The following NSD2 variants were observed in gnomAD, a reference collection of about 807,000 sequenced individuals.
NSD2 encodes histone-lysine N-methyltransferase NSD2.
NSD2 carries 12 observed loss-of-function variants against 139.0 expected under a neutral mutation model. The observed-to-expected ratio is 0.09, with a 90% CI of 0.06 to 0.14. The LOEUF (loss-of-function observed/expected upper bound fraction) is 0.14. Among genes scored for constraint, NSD2 ranks in the 10% least tolerant of loss-of-function variants. The pLI is 1.00. For synonymous variants in NSD2, 669 were observed against 648.7 expected (o/e 1.03, Z -0.48); for missense variants, 1,155 against 1,745.0 (o/e 0.66, Z 6.02).
intron 5 of NSD2, 105 bp from the exon 6 acceptor site, chr4:1,930,521 C>G (rs189407027): frequency 4.1e-6 from 5 of 1,215,048 alleles, no homozygotes; most frequent in African/African-American, 3.1e-5. Flanking sequence ...AATAAAAATG[C>G]GACACACTAA....
chr4:1,949,505 G>T (rs1371595385), intron 9 of NSD2, among the ~76,000 whole-genome samples: 3 of 152,304 alleles, frequency 2.0e-5, no homozygotes, highest in African/African-American at 7.2e-5. Context: ...GCTCATGCCT[G>T]TAATCCCAGC....
At chr4:1,975,431 G>C (rs1056740772) in intron 20 of NSD2, 31 bp downstream of exon 20, 2 of 1,602,114 alleles carry the variant, frequency 1.2e-6, no homozygotes, top group South Asian at 1.1e-5. Context: ...TTCCCCCCAG[G>C]CTCTGTGTTG....
Position 1,876,171 on chromosome 4 carries a change from G to C in NSD2, c.-30+4629G>C, listed in dbSNP as rs560196340. Among the ~76,000 whole-genome samples, 29 of 151,738 alleles carry C rather than the reference G, an allele frequency of 1.9e-4. No homozygotes were observed. In the South Asian group the frequency reaches 5.6e-3, roughly 29 times the overall value. On this transcript the variant is annotated intron_variant, in intron 1 of 21. Coordinates refer to ENST00000508803, the MANE Select transcript of NSD2 (RefSeq NM_001042424.3). ...GGAGCTTGCAGTGAGCTGAGATCGC[G>C]CCACTGCCCTCCACCCTGGTTGACA...
chr4:1,916,775 A>G (rs934245165), intron 3 of NSD2, 96 bp from the exon 4 acceptor site: 2 of 1,265,026 alleles, frequency 1.6e-6, no homozygotes, highest in Admixed American at 4.8e-5. Context: ...AGGCTCAGAC[A>G]ACACCAAGGG....
intron 9 of NSD2, among the ~76,000 whole-genome samples, 161 bp from the exon 10 acceptor site, chr4:1,950,911 C>T (rs1724150452): frequency 6.6e-6 from 1 of 151,752 alleles, no homozygotes; most frequent in African/African-American, 2.4e-5. Flanking sequence ...TCACAAAAAC[C>T]AGTTGATGAT....
Position 1,978,855 on chromosome 4 carries a change from G to A in NSD2, c.4044G>A (p.Pro1348=), listed in dbSNP as rs553381346. Residue 1348 remains proline (P), a synonymous_variant, in exon 22 of 22, where the codon CCG becomes CCA. Transcript: ENST00000508803. ...TEKPPPEPGK[P]KGKRRRRRGW... ...AGCCCCCCCCAGAGCCAGGGAAGCC[G>A]AAGGGGAAGAGGCGGCGGCGGAGGG... 18 of 1,600,400 alleles carry A rather than the reference G, an allele frequency of 1.1e-5. No homozygotes were observed. Among genetic ancestry groups the A allele is most frequent in the African/African-American group, 2.7e-5 (2 of 74,702 alleles).
chr4:1,917,145 C>G, intron 4 of NSD2, 108 bp downstream of exon 4: 1 of 1,076,566 alleles, frequency 9.3e-7, no homozygotes, highest in Non-Finnish European at 1.3e-6. Context: ...ATTGTAATGG[C>G]TTAACAATCT....
At chr4:1,933,056 G>T (rs942129719) in intron 6 of NSD2, among the ~76,000 whole-genome samples, 2 of 152,242 alleles carry the variant, frequency 1.3e-5, no homozygotes, top group African/African-American at 4.8e-5. Flanking sequence ...TTCTTCCCCA[G>T]ACTGCCTTTG....
chr4:1,959,799 GC>G, intron 17 of NSD2, 59 bp downstream of exon 17: 2 of 1,583,330 alleles, frequency 1.3e-6, no homozygotes, highest in Non-Finnish European at 1.7e-6. Flanking sequence ...GGGTAATTAG[GC>G]CTAGGTTTGC....
Position 1,900,495 on chromosome 4 carries a change from A to T in NSD2, c.-29-131A>T, listed in dbSNP as rs950560349. 4 of 544,988 alleles carry T rather than the reference A, an allele frequency of 7.3e-6. No individual in the cohort carries two copies. The African/African-American group carries it at 7.8e-5, about 11-fold the overall frequency. The allele number at this position is 544,988 out of a possible 1,614,324, so 33.8% of individuals were successfully genotyped here. On this transcript the variant is annotated intron_variant, in intron 1 of 21. Coordinates refer to ENST00000508803, the MANE Select transcript of NSD2 (RefSeq NM_001042424.3). ...AAAACTGCCTTCTGTGACCTGAATT[A>T]TTATAAAAACATCATAAATTGCTTA...
rs995276302 is a variant in NSD2, at chr4:1,979,103, G to A, written c.*194G>A. ...CAGCGTCCGCTGCGTCTGCACTGAT[G>A]ACCGTCTGAGCCCAGCTCAGCGTTC... is the stretch of plus-strand genomic sequence containing the variant. On this transcript the variant is annotated 3_prime_UTR_variant, in exon 22 of 22. Coordinates refer to ENST00000508803, the MANE Select transcript of NSD2 (RefSeq NM_001042424.3). The A allele has an allele frequency of 2.8e-5, 16 of 572,130 alleles. No individual in the cohort carries two copies. The highest frequency in any genetic ancestry group is 3.9e-5 in the Non-Finnish European group (14 of 363,262). The allele number at this position is 572,130 out of a possible 1,614,324, so 35.4% of individuals were successfully genotyped here.
chr4:1,975,107 G>A, intron 19 of NSD2, 103 bp downstream of exon 19: 1 of 1,554,752 alleles, frequency 6.4e-7, no homozygotes, highest in Non-Finnish European at 8.7e-7. Flanking sequence ...TGGGGGAGGT[G>A]GGTGCTGATG....
At chr4:1,931,098 T>A (rs1256048957) in intron 6 of NSD2, among the ~76,000 whole-genome samples, 6 of 152,120 alleles carry the variant, frequency 3.9e-5, no homozygotes, top group African/African-American at 1.2e-4. Flanking sequence ...GGGAAGGTCG[T>A]CTCTTGGATT....
chr4:1,898,626 G>C lies in NSD2; in HGVS notation c.-29-2000G>C, dbSNP rs1403215145. On this transcript the variant is annotated intron_variant, in intron 1 of 21. Transcript: ENST00000508803. ...AGTGAGCTGAGATCGCACCACTGCA[G>C]TCCAACCTGGGTGACAGAGCGAGAC... Among the ~76,000 whole-genome samples, 4 of 148,924 alleles carry C rather than the reference G, an allele frequency of 2.7e-5. No individual in the cohort carries two copies. In the East Asian group the frequency reaches 5.9e-4, roughly 22 times the overall value.
At chr4:1,943,555 G>C in intron 9 of NSD2, 1 of 1,050,754 alleles carries the variant, frequency 9.5e-7, no homozygotes. Flanking sequence ...CACTGGATTT[G>C]TGTGTGTGGC....
Position 1,900,987 on chromosome 4 carries a change from C to T in NSD2, c.333C>T (p.Pro111=). 6.2e-7 allele frequency: 1 copy of T among 1,614,180 alleles called. No homozygotes were observed. The highest frequency in any genetic ancestry group is 1.1e-5 in the South Asian group (1 of 91,086). The change falls in exon 2 of 22, where the codon CCC becomes CCT. Residue 111 remains proline, a synonymous_variant. Coordinates refer to ENST00000508803, the MANE Select transcript of NSD2 (RefSeq NM_001042424.3). ...AGGAAATGAAAGGGATTGGGACACCCCCTAACACTACCCCTATCAAAAATG... is the reference window on the plus strand; with the variant it reads ...AGGAAATGAAAGGGATTGGGACACCTCCTAACACTACCCCTATCAAAAATG... ...ESQEMKGIGT[P]PNTTPIKNGS... is the part of the protein sequence containing the mutation.
chr4:1,964,471 C>G (rs1361369294), intron 18 of NSD2, among the ~76,000 whole-genome samples: 7 of 152,162 alleles, frequency 4.6e-5, no homozygotes, highest in African/African-American at 7.2e-5. Context: ...CTACCCATGC[C>G]CCACAGACAG....
At chr4:1,905,452 T>G (rs1044802924) in intron 3 of NSD2, among the ~76,000 whole-genome samples, 7 of 152,256 alleles carry the variant, frequency 4.6e-5, no homozygotes, top group Non-Finnish European at 7.3e-5. Flanking sequence ...TGGTGGTCCT[T>G]GCGTACATGT....
intron 1 of NSD2, chr4:1,892,180 A>G (rs1420459063): frequency 3.3e-5 from 5 of 152,192 alleles, no homozygotes; most frequent in Non-Finnish European, 7.3e-5. Context: ...GGGTCTCGCC[A>G]TCACCATGTT....
Sources: allele counts gnomAD v4.1 joint callset (sites outside exome capture counted in the v4.1 genomes callset), GRCh38; gene constraint gnomAD v4.1.1; transcripts MANE v1.5; gene names NCBI Gene and HGNC (gene_info 2026-07-23, HGNC 2026-07-21).